The following GATAD1 variants were observed in gnomAD, a reference collection of about 807,000 sequenced individuals.
GATAD1 encodes GATA zinc finger domain containing 1, also known as GATA zinc finger domain-containing protein 1.
In GATAD1, 12 loss-of-function variants were observed where a neutral mutation model predicts 26.5. The observed-to-expected ratio is 0.45, with a 90% CI of 0.29 to 0.73. The LOEUF is 0.73. Ranked by LOEUF, GATAD1 falls within the 30% of genes least tolerant of loss-of-function variation. The pLI is 0.10. For missense variants in GATAD1, 266 were observed against 342.1 expected (o/e 0.78, Z 1.75); for synonymous variants, 129 against 133.1 (o/e 0.97, Z 0.21).
the GATAD1 span, chr7:92,468,618 C>T: frequency 1.8e-6 from 1 of 560,646 alleles, no homozygotes; most frequent in Non-Finnish European, 3.2e-6. Flanking sequence ...AGTTGCAAGC[C>T]CCGTGTTTAA....
Position 92,450,728 on chromosome 7 carries a change from A to G in GATAD1, c.403A>G (p.Thr135Ala). ...CATCAAAGCTCCTGAGTCAGTTTCC[A>G]CTATAATCACTGCAGAATCAATCTT... ...NPIKAPESVS[T>A]IITAESIFYK... The change falls in exon 3 of 5, where the codon ACT (threonine) becomes GCT (alanine). Residue 135 changes from threonine to alanine, a missense_variant. Transcript: ENST00000287957. 6.2e-7 allele frequency: 1 copy of G among 1,610,034 alleles called. No individual in the cohort carries two copies.
intron 3 of GATAD1, among the ~76,000 whole-genome samples, chr7:92,451,484 C>T (rs1789428316): frequency 6.6e-6 from 1 of 152,172 alleles, no homozygotes; most frequent in Non-Finnish European, 1.5e-5. Context: ...ATTTAGGGGA[C>T]AGTGGTGTGA....
In GATAD1 at chr7:92,450,445, G is replaced by T. The variant is rs1789379349; in HGVS notation, c.376-256G>T. The T allele has an allele frequency of 6.4e-6, 3 of 467,866 alleles. No individual in the cohort carries two copies. The South Asian group carries it at 8.5e-5, about 13-fold the overall frequency. 29.0% of individuals were successfully genotyped at this position (467,866 alleles called of 1,614,324 possible). ...TGTAGTGAAGCTCTGAGAGGACTTT[G>T]CATTAGATCTCAGCAGCATAATCAG... On this transcript the variant is annotated intron_variant, in intron 2 of 4. Coordinates refer to ENST00000287957, the MANE Select transcript of GATAD1 (RefSeq NM_021167.5).
the GATAD1 span, among the ~76,000 whole-genome samples, chr7:92,488,033 A>G: frequency 3.9e-5 from 6 of 152,204 alleles, no homozygotes; most frequent in Non-Finnish European, 7.4e-5. Flanking sequence ...AGCTGCAAGA[A>G]TGTTCATTAC....
intron 2 of GATAD1, chr7:92,449,378 AGCC>A: frequency 1.0e-6 from 1 of 981,962 alleles, no homozygotes; most frequent in Non-Finnish European, 1.2e-6. Context: ...AATTTTGCTA[AGCC>A]TTATCTCCTC....
At chr7:92,492,886 G>A in the GATAD1 span, 5 of 1,259,924 alleles carry the variant, frequency 4.0e-6, no homozygotes, top group African/African-American at 7.4e-5. Context: ...TTTTAAGGTG[G>A]AAATTTTGAC....
chr7:92,487,643 G>T, the GATAD1 span: 1 of 516,112 alleles, frequency 1.9e-6, no homozygotes, highest in South Asian at 3.4e-5. Context: ...AGAAATGAAC[G>T]GGAAATAACA....
chr7:92,466,279 A>G, the GATAD1 span, among the ~76,000 whole-genome samples: 2 of 151,928 alleles, frequency 1.3e-5, no homozygotes, highest in African/African-American at 2.4e-5. Context: ...TGATCCTCCT[A>G]CCTCAGCCTC....
At chr7:92,492,214 A>C in the GATAD1 span, among the ~76,000 whole-genome samples, 2 of 152,174 alleles carry the variant, frequency 1.3e-5, no homozygotes, top group African/African-American at 4.8e-5. Flanking sequence ...TGGCACAAGC[A>C]TGGCTCACTG....
At chr7:92,487,575 AATACT>A in the GATAD1 span, 1 of 937,808 alleles carries the variant, frequency 1.1e-6, no homozygotes, top group Admixed American at 1.9e-5. Flanking sequence ...AATATGTATA[AATACT>A]ACCATTACAA....
chr7:92,447,738 G>A lies in GATAD1; in HGVS notation c.9G>A (p.Leu3=), dbSNP rs1317854250. 3 of 1,483,334 alleles carry A rather than the reference G, an allele frequency of 2.0e-6. No individual in the cohort carries two copies. In the Admixed American group the frequency reaches 7.4e-5, roughly 36 times the overall value. 91.9% of individuals were successfully genotyped at this position (1,483,334 alleles called of 1,614,324 possible). Reference sequence around the variant, plus strand: ...CGCCCGAGCCGGCCACCATGCCGCTGGGCCTGAAGCCCACCTGCAGCGTAT... The same window carrying A: ...CGCCCGAGCCGGCCACCATGCCGCTAGGCCTGAAGCCCACCTGCAGCGTAT... MP[L]GLKPTCSVCK... The change falls in exon 1 of 5, where the codon CTG becomes CTA. Residue 3 remains leucine (L), a synonymous_variant. Coordinates refer to ENST00000287957, the MANE Select transcript of GATAD1 (RefSeq NM_021167.5).
At chr7:92,487,606 A>G in the GATAD1 span, 7 of 701,406 alleles carry the variant, frequency 1.0e-5, no homozygotes, top group African/African-American at 1.8e-5. Context: ...AAGATAATGG[A>G]TTGTTGGCAA....
downstream of GATAD1, among the ~76,000 whole-genome samples, chr7:92,461,082 T>C (rs1442171605): frequency 6.6e-6 from 1 of 152,154 alleles, no homozygotes; most frequent in East Asian, 1.9e-4. Flanking sequence ...ATAAAGTCAG[T>C]GATTTCATTA....
the GATAD1 span, chr7:92,491,511 C>T: frequency 1.3e-6 from 2 of 1,494,950 alleles, no homozygotes; most frequent in Non-Finnish European, 1.9e-6. Flanking sequence ...TCCTAAAATA[C>T]ACAAAAGGAC....
the GATAD1 span, chr7:92,478,070 C>T: frequency 1.3e-5 from 2 of 152,166 alleles, no homozygotes; most frequent in Admixed American, 6.5e-5. Flanking sequence ...TTAGTGAGCT[C>T]TCTGATTGGT....
Position 92,450,474 on chromosome 7 carries a change from G to A in GATAD1, c.376-227G>A. Reference sequence around the variant, plus strand: ...TAGATCTCAGCAGCATAATCAGAAGGTTGTCCTTTGTCTCAGCAATTTTTA... The same window carrying A: ...TAGATCTCAGCAGCATAATCAGAAGATTGTCCTTTGTCTCAGCAATTTTTA... On this transcript the variant is annotated intron_variant, in intron 2 of 4. Transcript: ENST00000287957. 5.7e-6 allele frequency: 3 copies of A among 529,714 alleles called. No homozygotes were observed. In the South Asian group the frequency reaches 7.1e-5, roughly 13 times the overall value. 32.8% of individuals were successfully genotyped at this position (529,714 alleles called of 1,614,324 possible). A position where few individuals can be genotyped will look rare whatever the true frequency, so the allele number is the denominator to read the frequency against.
the GATAD1 span, among the ~76,000 whole-genome samples, chr7:92,473,855 A>G: frequency 6.6e-6 from 1 of 152,026 alleles, no homozygotes; most frequent in Non-Finnish European, 1.5e-5. Flanking sequence ...GGGTGATGGC[A>G]TGGGATGGCG....
At chr7:92,491,414 T>C in the GATAD1 span, 1 of 1,613,714 alleles carries the variant, frequency 6.2e-7, no homozygotes, top group South Asian at 1.1e-5. Flanking sequence ...ACATTCTCCA[T>C]CTCCAGCTGA....
chr7:92,482,000 G>A, the GATAD1 span, among the ~76,000 whole-genome samples: 8 of 152,206 alleles, frequency 5.3e-5, no homozygotes, highest in African/African-American at 1.9e-4. Context: ...AAATGTTGAA[G>A]GAGCAGGAGG....
Sources: gnomAD v4.1 joint callset for allele counts (sites outside exome capture counted in the v4.1 genomes callset) on GRCh38, gnomAD v4.1.1 for gene constraint, MANE v1.5 for transcripts, NCBI Gene and HGNC (gene_info 2026-07-23, HGNC 2026-07-21) for gene names.